The following CAST variants were observed in gnomAD, a reference collection of about 807,000 sequenced individuals.
The protein encoded by CAST is calpastatin, also known as MIR583 host.
CAST carries 76 observed loss-of-function variants against 119.6 expected under a neutral mutation model. The ratio of observed to expected loss-of-function variants is 0.64; its 90% CI spans 0.53 to 0.77. The LOEUF is 0.77. Among genes scored for constraint, CAST ranks in the 30% least tolerant of loss-of-function variants. The probability of loss-of-function intolerance (pLI) is 0.00; values close to 1 mark genes in which losing one functional copy is unlikely to be tolerated. For synonymous variants in CAST, 319 were observed against 331.6 expected, an observed-to-expected ratio of 0.96 and a Z score of 0.41; for missense variants, 953 against 946.5, an observed-to-expected ratio of 1.01 and a Z score of -0.09.
At position 96,729,606 on chromosome 5, in the gene CAST, T is replaced by C. The variant is rs756582052; in HGVS notation, c.436-6T>C. ...TGTGTGTGGGCACCTGTGTGTGTACTTTCAGCCAAAAAGCCTACCCAAGCA... is the reference window on the plus strand; with the variant it reads ...TGTGTGTGGGCACCTGTGTGTGTACCTTCAGCCAAAAAGCCTACCCAAGCA... On this transcript the variant is annotated splice_region_variant and splice_polypyrimidine_tract_variant and intron_variant, in intron 7 of 31. Coordinates refer to ENST00000675179, the MANE Select transcript of CAST (RefSeq NM_001750.7). The C allele has an allele frequency of 3.0e-6, 4 of 1,332,380 alleles. No homozygotes were observed. Among genetic ancestry groups the C allele is most frequent in the Non-Finnish European group, 3.2e-6 (3 of 923,536 alleles). The allele number at this position is 1,332,380 out of a possible 1,614,324, so 82.5% of individuals were successfully genotyped here. A position where few individuals can be genotyped will look rare whatever the true frequency, so the allele number is the denominator to read the frequency against.
chr5:96,656,708 TG>T (rs1718227031), intron 1 of CAST, among the ~76,000 whole-genome samples: 1 of 152,120 alleles, frequency 6.6e-6, no homozygotes, highest in South Asian at 2.1e-4. Context: ...CAGTCAACTG[TG>T]GGCTGTGGAG....
chr5:96,592,172 G>A (rs751763973), intron 1 of CAST, among the ~76,000 whole-genome samples: 9 of 152,094 alleles, frequency 5.9e-5, no homozygotes, highest in Non-Finnish European at 1.0e-4. Context: ...TGAGGCGGGC[G>A]GATCATTTGG....
chr5:96,609,338 G>A lies in CAST; in HGVS notation c.61-66201G>A, dbSNP rs141446243. Among the ~76,000 whole-genome samples, 775 of 152,248 alleles carry A rather than the reference G, an allele frequency of 5.1e-3. 7 individuals carry two copies. The highest frequency in any genetic ancestry group is 8.7e-3 in the Non-Finnish European group (594 of 68,016). ...TGCTTTTAATGAAGATATAAAATAC[G>A]TGCAAATTTTTGAAGAAGACATGAA... On this transcript the variant is annotated intron_variant, in intron 1 of 11. Transcript: ENST00000505143.
the CAST span, among the ~76,000 whole-genome samples, chr5:96,253,109 T>C: frequency 6.6e-6 from 1 of 152,192 alleles, no homozygotes; most frequent in South Asian, 2.1e-4. Context: ...TTTAGTCTTC[T>C]TTATTTTAAA....
At chr5:96,659,607 C>A (rs1180503925), upstream of CAST, among the ~76,000 whole-genome samples, 1 of 152,188 alleles carries the variant, frequency 6.6e-6, no homozygotes. Context: ...TGGCTCACTG[C>A]AACCTCTGCC....
intron 1 of CAST, among the ~76,000 whole-genome samples, chr5:96,531,978 C>T (rs187046975): frequency 3.9e-5 from 6 of 152,214 alleles, no homozygotes; most frequent in Non-Finnish European, 5.9e-5. Context: ...TTAGAGCAGG[C>T]GTAGTGGCAT....
chr5:95,969,914 A>C, the CAST span, among the ~76,000 whole-genome samples: 2 of 152,164 alleles, frequency 1.3e-5, no homozygotes, highest in Admixed American at 1.3e-4. Context: ...ATGAAGAAAG[A>C]GGATGAGAAA....
chr5:96,303,680 T>C, the CAST span, among the ~76,000 whole-genome samples: 1 of 152,030 alleles, frequency 6.6e-6, no homozygotes, highest in Admixed American at 6.5e-5. Flanking sequence ...AACTCCCATT[T>C]ATGAGTGAGA....
At chr5:96,077,726 C>G in the CAST span, among the ~76,000 whole-genome samples, 1 of 152,190 alleles carries the variant, frequency 6.6e-6, no homozygotes, top group Non-Finnish European at 1.5e-5. Flanking sequence ...CACTGGCTCC[C>G]CTTCTCCTTC....
chr5:96,637,798 G>A (rs1184152298), intron 1 of CAST, among the ~76,000 whole-genome samples: 1 of 152,078 alleles, frequency 6.6e-6, no homozygotes, highest in African/African-American at 2.4e-5. Context: ...TACTATTTAA[G>A]AAATATATGA....
intron 1 of CAST, among the ~76,000 whole-genome samples, chr5:96,539,008 C>T (rs1365860038): frequency 6.6e-6 from 1 of 152,140 alleles, no homozygotes; most frequent in African/African-American, 2.4e-5. Context: ...ACAGAACTTT[C>T]ATTATAAAGA....
chr5:96,766,297 A>T (rs1220184321), intron 27 of CAST, 152 bp downstream of exon 27: 2 of 559,118 alleles, frequency 3.6e-6, no homozygotes, highest in Admixed American at 3.4e-5. Context: ...GCCGACCAGC[A>T]GGTAAATATT....
chr5:96,654,117 G>A (rs960638364), intron 1 of CAST, among the ~76,000 whole-genome samples: 2 of 150,326 alleles, frequency 1.3e-5, no homozygotes, highest in South Asian at 2.1e-4. Context: ...TGCGCCTCCC[G>A]GATTCAAGGA....
At chr5:96,305,120 T>C in the CAST span, among the ~76,000 whole-genome samples, 2 of 152,180 alleles carry the variant, frequency 1.3e-5, no homozygotes, top group Non-Finnish European at 2.9e-5. Context: ...TCCTCTCTTA[T>C]TTCGTTGAGT....
chr5:96,723,055 A>G (rs1337315991), intron 4 of CAST, among the ~76,000 whole-genome samples: 1 of 151,964 alleles, frequency 6.6e-6, no homozygotes, highest in Non-Finnish European at 1.5e-5. Flanking sequence ...CGACCCTCCC[A>G]TCTCGGCCTC....
intron 1 of CAST, among the ~76,000 whole-genome samples, chr5:96,595,932 C>T (rs1217313203): frequency 1.3e-5 from 2 of 152,010 alleles, no homozygotes; most frequent in Non-Finnish European, 2.9e-5. Flanking sequence ...TGGCATAAGA[C>T]CTGGATGTTC....
chr5:96,467,235 C>G, the CAST span, among the ~76,000 whole-genome samples: 1 of 151,706 alleles, frequency 6.6e-6, no homozygotes, highest in African/African-American at 2.4e-5. Flanking sequence ...GGATGTTAGT[C>G]CTTGGTTTGT....
At chr5:96,703,666 C>T (rs1477426102) in intron 3 of CAST, among the ~76,000 whole-genome samples, 1 of 152,158 alleles carries the variant, frequency 6.6e-6, no homozygotes, top group Non-Finnish European at 1.5e-5. Context: ...TAGACAGCTT[C>T]CCTAAGGATC....
the CAST span, among the ~76,000 whole-genome samples, chr5:96,043,396 CT>C: frequency 2.0e-5 from 3 of 152,130 alleles, no homozygotes; most frequent in African/African-American, 7.2e-5. Flanking sequence ...TACAAAATGC[CT>C]TTTAACAAAC....
Sources: allele counts gnomAD v4.1 joint callset (sites outside exome capture counted in the v4.1 genomes callset), GRCh38; gene constraint gnomAD v4.1.1; transcripts MANE v1.5; gene names NCBI Gene and HGNC (gene_info 2026-07-23, HGNC 2026-07-21).